GPR158: variants seen among roughly 807,000 people sequenced by gnomAD.
The protein encoded by GPR158 is G protein-coupled receptor 158, also known as metabotropic glycine receptor.
A neutral mutation model predicts 78.2 loss-of-function variants in GPR158; 30 were observed. The ratio of observed to expected loss-of-function variants is 0.38; its 90% CI spans 0.29 to 0.52. GPR158 has a LOEUF of 0.52. Ranked by LOEUF, GPR158 falls within the 20% of genes least tolerant of loss-of-function variation. The pLI, the probability that GPR158 is intolerant of heterozygous loss-of-function variation, is 0.83. For missense variants in GPR158, 1,463 were observed against 1,523.5 expected (o/e 0.96, Z 0.66); for synonymous variants, 581 against 591.1 (o/e 0.98, Z 0.25).
At chr10:25,274,566 G>C (rs1401771245) in intron 2 of GPR158, among the ~76,000 whole-genome samples, 1 of 152,154 alleles carries the variant, frequency 6.6e-6, no homozygotes, top group Non-Finnish European at 1.5e-5. Flanking sequence ...ATGGGTGACA[G>C]CTGAAAAACA....
chr10:25,196,426 T>G (rs1239883938), intron 1 of GPR158, among the ~76,000 whole-genome samples: 1 of 152,244 alleles, frequency 6.6e-6, no homozygotes, highest in Non-Finnish European at 1.5e-5. Context: ...GTTCCCTGAA[T>G]TATTGTTGTT....
intron 4 of GPR158, among the ~76,000 whole-genome samples, chr10:25,420,960 A>G (rs1047628830): frequency 1.3e-5 from 2 of 152,156 alleles, no homozygotes; most frequent in Non-Finnish European, 2.9e-5. Context: ...TTGAAATTTT[A>G]TGTAGATTTT....
chr10:25,344,927 G>C (rs983983594), intron 2 of GPR158, among the ~76,000 whole-genome samples: 3 of 151,984 alleles, frequency 2.0e-5, no homozygotes, highest in Admixed American at 2.0e-4. Context: ...ATCTTCAAAT[G>C]GTGGAGGAAG....
rs142096963 is a variant in GPR158, at chr10:25,407,389, C to G, written c.1112-4861C>G. 4.5e-3 allele frequency among the ~76,000 whole-genome samples: 689 copies of G among 152,168 alleles called. 6 individuals carry two copies. Among genetic ancestry groups the G allele is most frequent in the African/African-American group, 0.016 (654 of 41,514 alleles). Reference sequence around the variant, plus strand: ...CCTAGGTATCTTTGCTATTTTTATTCATTCTTTAGGTAATATTATCTAGTC... The same window carrying G: ...CCTAGGTATCTTTGCTATTTTTATTGATTCTTTAGGTAATATTATCTAGTC... On this transcript the variant is annotated intron_variant, in intron 3 of 10. Coordinates refer to ENST00000376351, the MANE Select transcript of GPR158 (RefSeq NM_020752.3).
At chr10:25,525,198 G>A (rs1294840079) in intron 5 of GPR158, among the ~76,000 whole-genome samples, 1 of 152,180 alleles carries the variant, frequency 6.6e-6, no homozygotes, top group Non-Finnish European at 1.5e-5. Context: ...AAATGGTGCA[G>A]TCACTCTCTA....
At chr10:25,292,765 A>G (rs1854458540) in intron 2 of GPR158, among the ~76,000 whole-genome samples, 1 of 152,184 alleles carries the variant, frequency 6.6e-6, no homozygotes, top group Non-Finnish European at 1.5e-5. Flanking sequence ...ACACATTTAG[A>G]AAGAGAGAAA....
intron 5 of GPR158, among the ~76,000 whole-genome samples, chr10:25,522,178 A>G (rs1176574080): frequency 1.3e-5 from 2 of 152,190 alleles, no homozygotes; most frequent in Non-Finnish European, 2.9e-5. Flanking sequence ...AAGAGTATTG[A>G]CATAGGTATT....
chr10:25,451,399 C>G (rs908498886), intron 4 of GPR158, among the ~76,000 whole-genome samples: 1 of 152,128 alleles, frequency 6.6e-6, no homozygotes, highest in Non-Finnish European at 1.5e-5. Context: ...ATTTGCATTT[C>G]CCAATTACTT....
intron 5 of GPR158, among the ~76,000 whole-genome samples, chr10:25,534,427 G>T (rs1836464604): frequency 6.6e-6 from 1 of 151,866 alleles, no homozygotes; most frequent in Non-Finnish European, 1.5e-5. Context: ...ATTACTTGAG[G>T]TCAGTTCGAG....
chr10:25,564,841 T>TAACA (rs1392461508), intron 6 of GPR158, among the ~76,000 whole-genome samples: 1 of 152,192 alleles, frequency 6.6e-6, no homozygotes, highest in Non-Finnish European at 1.5e-5. Context: ...AAGTTGACTC[T>TAACA]AACAGTTCTT....
intron 2 of GPR158, among the ~76,000 whole-genome samples, chr10:25,232,765 T>A (rs924256801): frequency 2.0e-5 from 3 of 152,222 alleles, no homozygotes; most frequent in South Asian, 2.1e-4. Context: ...AGTGTCTATT[T>A]CAAATTATTT....
At chr10:25,419,201 A>G (rs1329219621) in intron 4 of GPR158, among the ~76,000 whole-genome samples, 1 of 152,048 alleles carries the variant, frequency 6.6e-6, no homozygotes. Context: ...TTCTGTTGCT[A>G]CAAATTTGCC....
At chr10:25,298,209 A>G (rs1174287763) in intron 2 of GPR158, among the ~76,000 whole-genome samples, 1 of 152,164 alleles carries the variant, frequency 6.6e-6, no homozygotes, top group Admixed American at 6.5e-5. Context: ...ACATGTTAGA[A>G]TCTCTGCTTG....
chr10:25,441,845 T>C (rs1835072472), intron 4 of GPR158, among the ~76,000 whole-genome samples: 1 of 152,196 alleles, frequency 6.6e-6, no homozygotes, highest in Non-Finnish European at 1.5e-5. Context: ...AATATCATGG[T>C]TAATCTCTCT....
intron 2 of GPR158, among the ~76,000 whole-genome samples, chr10:25,319,238 A>G (rs1343180599): frequency 2.0e-5 from 3 of 152,172 alleles, no homozygotes; most frequent in African/African-American, 7.2e-5. Context: ...TCTAATCTAG[A>G]GTAGTTACCT....
chr10:25,583,361 A>G (rs1440134175), intron 7 of GPR158, among the ~76,000 whole-genome samples: 1 of 152,222 alleles, frequency 6.6e-6, no homozygotes, highest in Non-Finnish European at 1.5e-5. Context: ...AGTCACTTGT[A>G]ACTTAACAAT....
At chr10:25,589,969 T>C (rs762103303) in intron 8 of GPR158, among the ~76,000 whole-genome samples, 51 of 152,160 alleles carry the variant, frequency 3.4e-4, no homozygotes, top group Non-Finnish European at 2.4e-4. Context: ...AAATTAGAGA[T>C]GTTGAGTATT....
At chr10:25,466,553 A>G (rs1588876528) in intron 4 of GPR158, 98 bp from the exon 5 acceptor site, 1 of 679,226 alleles carries the variant, frequency 1.5e-6, no homozygotes, top group East Asian at 2.6e-5. Flanking sequence ...TCCCCCAAAG[A>G]ATGCTGTCCT....
At chr10:25,217,324 C>T (rs116410479) in intron 1 of GPR158, among the ~76,000 whole-genome samples, 1,561 of 152,082 alleles carry the variant, frequency 0.01, 27 homozygotes, top group African/African-American at 0.036. Flanking sequence ...CTGTGTATAG[C>T]GAAGTTACTG....
Sources: allele counts gnomAD v4.1 joint callset (sites outside exome capture counted in the v4.1 genomes callset), GRCh38; gene constraint gnomAD v4.1.1; transcripts MANE v1.5; gene names NCBI Gene and HGNC (gene_info 2026-07-23, HGNC 2026-07-21).